SPDYE10: variants seen among roughly 807,000 people sequenced by gnomAD.
SPDYE10 encodes speedy protein E10.
the SPDYE10 span, among the ~76,000 whole-genome samples, chr7:73,149,576 T>C: frequency 6.6e-6 from 1 of 152,294 alleles, no homozygotes; most frequent in East Asian, 1.9e-4. Context: ...CGTGAGCCAT[T>C]GTGCCCAGCC....
At chr7:73,155,353 C>T in the SPDYE10 span, 1 of 367,804 alleles carries the variant, frequency 2.7e-6, no homozygotes, top group South Asian at 3.1e-5. Context: ...GGTAAGCGCG[C>T]GGGGACGCGG....
the SPDYE10 span, among the ~76,000 whole-genome samples, chr7:73,145,124 TTTTC>T: frequency 7.3e-4 from 103 of 141,844 alleles, no homozygotes; most frequent in South Asian, 0.014. Flanking sequence ...TCTTTCTTTC[TTTTC>T]TTTCTTTCTT....
chr7:73,114,145 C>A, the SPDYE10 span, among the ~76,000 whole-genome samples: 1 of 133,206 alleles, frequency 7.5e-6, no homozygotes, highest in African/African-American at 2.8e-5. Context: ...GAGCCGAGAT[C>A]GCGCCATCGC....
the SPDYE10 span, among the ~76,000 whole-genome samples, chr7:73,135,509 C>T: frequency 7.0e-6 from 1 of 142,050 alleles, no homozygotes; most frequent in African/African-American, 2.6e-5. Flanking sequence ...TTCCTAAAGG[C>T]ATTCTCTTTT....
the SPDYE10 span, among the ~76,000 whole-genome samples, chr7:73,114,902 A>ATTT: frequency 1.2e-4 from 11 of 94,040 alleles, no homozygotes; most frequent in African/African-American, 1.7e-4. Flanking sequence ...GGGTCATCTG[A>ATTT]TTTTTTTTTT....
At chr7:73,127,569 GAA>G in the SPDYE10 span, among the ~76,000 whole-genome samples, 1 of 45,838 alleles carries the variant, frequency 2.2e-5, no homozygotes, top group Non-Finnish European at 4.2e-5. Context: ...AAAGAGAAGA[GAA>G]GGGAAGGGGA....
chr7:73,154,986 C>T, the SPDYE10 span: 4 of 154,124 alleles, frequency 2.6e-5, 1 homozygote, highest in South Asian at 7.2e-4. Flanking sequence ...CGCCGCTGCT[C>T]CGCCGCTCGG....
chr7:73,115,107 G>C, the SPDYE10 span, among the ~76,000 whole-genome samples: 6 of 151,766 alleles, frequency 4.0e-5, no homozygotes, highest in South Asian at 1.2e-3. Flanking sequence ...TGTTGACCAA[G>C]CTGGTCTTGA....
the SPDYE10 span, among the ~76,000 whole-genome samples, chr7:73,141,244 C>T: frequency 6.6e-6 from 1 of 152,252 alleles, no homozygotes; most frequent in Non-Finnish European, 1.5e-5. Context: ...GTAAACTGGC[C>T]AAGTGTGATG....
At chr7:73,126,909 GTTTTTTTTTTTT>G in the SPDYE10 span, among the ~76,000 whole-genome samples, 45 of 68,806 alleles carry the variant, frequency 6.5e-4, no homozygotes, top group Admixed American at 9.8e-4. Flanking sequence ...GTTGTTGGTG[GTTTTTTTTTTTT>G]TTTTTTTTTT....
At chr7:73,114,386 G>C in the SPDYE10 span, among the ~76,000 whole-genome samples, 2 of 144,778 alleles carry the variant, frequency 1.4e-5, no homozygotes, top group Admixed American at 7.4e-5. Context: ...CTGGTGCTGG[G>C]GTTTCCTTGG....
At chr7:73,134,345 G>A in the SPDYE10 span, among the ~76,000 whole-genome samples, 2 of 146,774 alleles carry the variant, frequency 1.4e-5, no homozygotes, top group African/African-American at 2.6e-5. Flanking sequence ...CACAGGGTGG[G>A]GAACATCACA....
chr7:73,123,865 A>G, the SPDYE10 span, among the ~76,000 whole-genome samples: 1 of 136,132 alleles, frequency 7.3e-6, no homozygotes, highest in African/African-American at 2.8e-5. Context: ...GCTTACTACA[A>G]CCTCTGCCTC....
At chr7:73,146,818 C>A in the SPDYE10 span, among the ~76,000 whole-genome samples, 3 of 77,248 alleles carry the variant, frequency 3.9e-5, no homozygotes, top group Non-Finnish European at 5.1e-5. Context: ...GACTCCATCT[C>A]AGAAAAAAAA....
chr7:73,154,812 A>C, the SPDYE10 span: 1 of 211,090 alleles, frequency 4.7e-6, no homozygotes, highest in Non-Finnish European at 9.8e-6. Context: ...CAGCAACAGC[A>C]GCAACAGCAG....
the SPDYE10 span, among the ~76,000 whole-genome samples, chr7:73,135,604 C>T: frequency 8.5e-6 from 1 of 117,110 alleles, no homozygotes; most frequent in Admixed American, 8.8e-5. Context: ...TGACTCACTG[C>T]AACCTCCGCT....
the SPDYE10 span, among the ~76,000 whole-genome samples, chr7:73,135,359 AG>A: frequency 6.6e-6 from 1 of 151,626 alleles, no homozygotes; most frequent in South Asian, 2.1e-4. Flanking sequence ...CAAGCCACAA[AG>A]GGAGCCTGCC....
the SPDYE10 span, among the ~76,000 whole-genome samples, chr7:73,111,914 C>T: frequency 1.5e-5 from 2 of 137,186 alleles, no homozygotes; most frequent in Non-Finnish European, 3.0e-5. Flanking sequence ...TATAGGCACA[C>T]ACCACTACCA....
chr7:73,140,922 GA>G, the SPDYE10 span, among the ~76,000 whole-genome samples: 1 of 149,850 alleles, frequency 6.7e-6, no homozygotes, highest in Non-Finnish European at 1.5e-5. Flanking sequence ...CACCTGGCCA[GA>G]AATTTATTTT....
Sources: gnomAD v4.1 joint callset for allele counts (sites outside exome capture counted in the v4.1 genomes callset) on GRCh38, gnomAD v4.1.1 for gene constraint, MANE v1.5 for transcripts, NCBI Gene and HGNC (gene_info 2026-07-23, HGNC 2026-07-21) for gene names.